PPFIBP2: variants seen among roughly 807,000 people sequenced by gnomAD.
The protein encoded by PPFIBP2 is PPFIB scaffold protein 2.
PPFIBP2 carries 118 observed loss-of-function variants against 118.3 expected under a neutral mutation model. The observed-to-expected ratio is 1.00, with a 90% CI of 0.86 to 1.16. The LOEUF is 1.16. Among genes scored for constraint, PPFIBP2 ranks in the 50% most tolerant of loss-of-function variants. The probability of loss-of-function intolerance (pLI) is 0.00; values close to 1 mark genes in which losing one functional copy is unlikely to be tolerated. For missense variants in PPFIBP2, 1,195 were observed against 1,073.1 expected (o/e 1.11, Z -1.59); for synonymous variants, 414 against 397.4 (o/e 1.04, Z -0.50).
In PPFIBP2 at chr11:7,567,300, A is replaced by G. The variant is rs554273167; in HGVS notation, c.279+1533A>G. 7.9e-5 allele frequency among the ~76,000 whole-genome samples: 12 copies of G among 152,388 alleles called. 1 individual carries two copies. In the South Asian group the frequency reaches 2.5e-3, roughly 32 times the overall value. On this transcript the variant is annotated intron_variant, in intron 3 of 23. Coordinates refer to ENST00000299492, the MANE Select transcript of PPFIBP2 (RefSeq NM_003621.5). ...ATAAACAATGAATCTAACTTTTAAA[A>G]CAGTTTTTGGAAATTTATTAAAAAT...
intron 3 of PPFIBP2, among the ~76,000 whole-genome samples, chr11:7,578,465 G>A (rs755914038): frequency 8.5e-5 from 13 of 152,188 alleles, no homozygotes; most frequent in African/African-American, 1.7e-4. Context: ...GCAGATGCCC[G>A]GACCCCGACT....
chr11:7,518,802 C>T (rs796618605), intron 1 of PPFIBP2, among the ~76,000 whole-genome samples: 8 of 152,240 alleles, frequency 5.3e-5, no homozygotes, highest in African/African-American at 1.9e-4. Flanking sequence ...TTGCTACTTC[C>T]CAAAGGGGAC....
chr11:7,540,528 G>T (rs1055685824), intron 1 of PPFIBP2, among the ~76,000 whole-genome samples: 1 of 152,194 alleles, frequency 6.6e-6, no homozygotes. Flanking sequence ...AGGGAGGTGG[G>T]TGCTCAGGAT....
chr11:7,597,317 C>G, intron 4 of PPFIBP2: 3 of 1,535,636 alleles, frequency 2.0e-6, no homozygotes, highest in Non-Finnish European at 1.7e-6. Context: ...TTGAGTCTAT[C>G]AAGAGCAGTA....
chr11:7,569,513 T>A (rs978872713), intron 3 of PPFIBP2, among the ~76,000 whole-genome samples: 3 of 152,198 alleles, frequency 2.0e-5, no homozygotes, highest in African/African-American at 7.2e-5. Context: ...CTCTGGGGCC[T>A]CAGTGGGGCA....
At chr11:7,538,987 T>C (rs1207759427) in intron 1 of PPFIBP2, among the ~76,000 whole-genome samples, 2 of 152,212 alleles carry the variant, frequency 1.3e-5, no homozygotes, top group Admixed American at 6.5e-5. Flanking sequence ...TTTGAACAAA[T>C]GTTTGCTCTT....
intron 2 of PPFIBP2, among the ~76,000 whole-genome samples, chr11:7,552,553 C>T (rs72849058): frequency 0.026 from 3,909 of 152,206 alleles, 47 homozygotes; most frequent in Middle Eastern, 0.044. Flanking sequence ...GACTGTTTCC[C>T]ACAGAGCTGT....
intron 6 of PPFIBP2, among the ~76,000 whole-genome samples, chr11:7,617,743 A>G (rs1206100111): frequency 2.6e-5 from 4 of 152,170 alleles, no homozygotes; most frequent in Non-Finnish European, 5.9e-5. Context: ...ATGTTCAAAG[A>G]GGTTTACCCC....
chr11:7,548,698 C>CT (rs2134519246), intron 1 of PPFIBP2, among the ~76,000 whole-genome samples: 1 of 152,222 alleles, frequency 6.6e-6, no homozygotes, highest in South Asian at 2.1e-4. Context: ...TTCCCCTTTG[C>CT]TATAGCTAGG....
chr11:7,526,879 ATT>A (rs1850279300), intron 1 of PPFIBP2, among the ~76,000 whole-genome samples: 1 of 152,024 alleles, frequency 6.6e-6, no homozygotes, highest in African/African-American at 2.4e-5. Flanking sequence ...GACTGTGTAT[ATT>A]CTTTGCTGAT....
At chr11:7,654,567 T>C (rs1854511716), downstream of PPFIBP2, among the ~76,000 whole-genome samples, 1 of 152,236 alleles carries the variant, frequency 6.6e-6, no homozygotes, top group African/African-American at 2.4e-5. Context: ...CACAGGCCAC[T>C]GCCTCCTGGG....
At chr11:7,590,335 TTA>T (rs1859012866) in intron 3 of PPFIBP2, among the ~76,000 whole-genome samples, 2 of 152,218 alleles carry the variant, frequency 1.3e-5, no homozygotes, top group African/African-American at 4.8e-5. Context: ...ATCTGGAACA[TTA>T]TCTTTCACTG....
In PPFIBP2 at chr11:7,653,065, AAAG is replaced by A. The variant is rs1195715193; in HGVS notation, c.2482_2484del (p.Lys828del). The A allele has an allele frequency of 1.9e-6, 3 of 1,613,436 alleles. No individual in the cohort carries two copies. The highest frequency in any genetic ancestry group is 1.7e-5 in the Admixed American group (1 of 59,984). On this transcript the variant is annotated inframe_deletion, in exon 24 of 24. Coordinates refer to ENST00000299492, the MANE Select transcript of PPFIBP2 (RefSeq NM_003621.5). ...TTTCACACTTCGGAAACATAAGAAA[AAAG>A]AAGTTCGATGAATCGACGGACTACA...
intron 2 of PPFIBP2, among the ~76,000 whole-genome samples, chr11:7,563,103 A>G (rs1384649348): frequency 1.3e-5 from 2 of 151,434 alleles, no homozygotes; most frequent in African/African-American, 2.4e-5. Flanking sequence ...GGTCACAGAG[A>G]AAGGAAGAGA....
At chr11:7,610,231 G>A in intron 5 of PPFIBP2, 60 bp from the exon 6 acceptor site, 1 of 1,566,436 alleles carries the variant, frequency 6.4e-7, no homozygotes. Flanking sequence ...TGTAAATGAA[G>A]CCAGAGCTGT....
chr11:7,594,916 C>CAAAAAAAAAAAAAA (rs58084975), intron 4 of PPFIBP2, among the ~76,000 whole-genome samples: 2 of 64,044 alleles, frequency 3.1e-5, no homozygotes, highest in Admixed American at 1.9e-4. Context: ...GACTCCATCT[C>CAAAAAAAAAAAAAA]AAAAAAAAAA....
chr11:7,619,992 A>T (rs1010320180), intron 6 of PPFIBP2, among the ~76,000 whole-genome samples: 1 of 152,204 alleles, frequency 6.6e-6, no homozygotes, highest in African/African-American at 2.4e-5. Flanking sequence ...AGCAGGACCA[A>T]TTGTCTGTTA....
chr11:7,649,440 T>C, intron 20 of PPFIBP2, 92 bp from the exon 21 acceptor site: 1 of 1,534,932 alleles, frequency 6.5e-7, no homozygotes, highest in Non-Finnish European at 8.9e-7. Flanking sequence ...TGAGATGTGG[T>C]TGACTTGTCT....
chr11:7,647,757 T>C (rs1853325341), intron 17 of PPFIBP2, among the ~76,000 whole-genome samples: 1 of 152,382 alleles, frequency 6.6e-6, no homozygotes, highest in South Asian at 2.1e-4. Flanking sequence ...GCTTTATTTC[T>C]GCCTAATAGC....
Sources: allele counts gnomAD v4.1 joint callset (sites outside exome capture counted in the v4.1 genomes callset), GRCh38; gene constraint gnomAD v4.1.1; transcripts MANE v1.5; gene names NCBI Gene and HGNC (gene_info 2026-07-23, HGNC 2026-07-21).